The following SLC30A8 variants were observed in gnomAD, a reference collection of about 807,000 sequenced individuals.
The protein encoded by SLC30A8 is proton-coupled zinc antiporter SLC30A8.
In SLC30A8, 27 loss-of-function variants were observed where a neutral mutation model predicts 36.9. That is an observed-to-expected ratio of 0.73 (90% CI 0.54 to 1.01). The LOEUF is 1.01. SLC30A8 is among the 50% of genes least tolerant of loss of function. SLC30A8 has a pLI of 0.00. For synonymous variants in SLC30A8, 164 were observed against 172.4 expected, an observed-to-expected ratio of 0.95 and a Z score of 0.38; for missense variants, 439 against 452.0, an observed-to-expected ratio of 0.97 and a Z score of 0.26.
At chr8:116,955,763 G>C (rs76157733) in intron 1 of SLC30A8, among the ~76,000 whole-genome samples, 2 of 151,738 alleles carry the variant, frequency 1.3e-5, no homozygotes, top group African/African-American at 4.8e-5. Flanking sequence ...AAAAGACAGA[G>C]ATGCTGAGGT....
At chr8:117,118,838 A>G (rs1820563723) in intron 2 of SLC30A8, among the ~76,000 whole-genome samples, 3 of 151,952 alleles carry the variant, frequency 2.0e-5, no homozygotes, top group Admixed American at 2.0e-4. Context: ...TGAGTCATTC[A>G]TCTGCATTGC....
At chr8:117,046,514 G>A (rs958858249) in intron 2 of SLC30A8, among the ~76,000 whole-genome samples, 2 of 152,198 alleles carry the variant, frequency 1.3e-5, no homozygotes, top group African/African-American at 4.8e-5. Flanking sequence ...AAGAATAGGT[G>A]CCTGAATAAG....
intron 2 of SLC30A8, among the ~76,000 whole-genome samples, chr8:117,110,058 A>G (rs1432528216): frequency 6.6e-6 from 1 of 152,216 alleles, no homozygotes; most frequent in Non-Finnish European, 1.5e-5. Context: ...ACTTGTTTGT[A>G]TCTTCATTAC....
chr8:117,018,769 C>T (rs564557561), intron 1 of SLC30A8, among the ~76,000 whole-genome samples: 240 of 148,870 alleles, frequency 1.6e-3, no homozygotes, highest in African/African-American at 5.4e-3. Flanking sequence ...TGGGTTCAAG[C>T]GATTCTCCTG....
chr8:117,031,825 A>G (rs568718329), intron 1 of SLC30A8, among the ~76,000 whole-genome samples: 2 of 152,098 alleles, frequency 1.3e-5, no homozygotes, highest in African/African-American at 2.4e-5. Flanking sequence ...CTTGATGCCA[A>G]TGCTAAGCTT....
At chr8:117,025,917 A>G (rs1403646477) in intron 1 of SLC30A8, among the ~76,000 whole-genome samples, 2 of 152,228 alleles carry the variant, frequency 1.3e-5, no homozygotes, top group Non-Finnish European at 1.5e-5. Context: ...GCACCAGGCT[A>G]TCTGCAGCCT....
chr8:117,139,785 A>T (rs1404825505), intron 1 of SLC30A8, among the ~76,000 whole-genome samples: 1 of 151,708 alleles, frequency 6.6e-6, no homozygotes, highest in Non-Finnish European at 1.5e-5. Context: ...GAAAGACTGC[A>T]TCTACCCAAT....
At chr8:117,149,598 G>A (rs1049559679) in intron 2 of SLC30A8, among the ~76,000 whole-genome samples, 3 of 152,172 alleles carry the variant, frequency 2.0e-5, no homozygotes, top group East Asian at 3.9e-4. Context: ...GAATCAGTGC[G>A]TGAGGGTGGT....
chr8:117,037,614 T>C (rs1021198172), intron 1 of SLC30A8, among the ~76,000 whole-genome samples: 1 of 152,080 alleles, frequency 6.6e-6, no homozygotes, highest in African/African-American at 2.4e-5. Context: ...TCCCACAGAG[T>C]TGGTATAGAA....
intron 2 of SLC30A8, among the ~76,000 whole-genome samples, chr8:117,044,514 A>C (rs1473699257): frequency 2.0e-5 from 3 of 152,164 alleles, no homozygotes; most frequent in Non-Finnish European, 4.4e-5. Flanking sequence ...TTTGGAGGAG[A>C]AAGCCAAAGC....
intron 1 of SLC30A8, among the ~76,000 whole-genome samples, chr8:117,032,361 G>A (rs1362493060): frequency 1.3e-5 from 2 of 152,238 alleles, no homozygotes; most frequent in East Asian, 1.9e-4. Flanking sequence ...CACACAGCAG[G>A]CAGTTAATAA....
upstream of SLC30A8, among the ~76,000 whole-genome samples, chr8:117,131,629 T>C (rs534883190): frequency 1.3e-5 from 2 of 152,100 alleles, no homozygotes; most frequent in South Asian, 4.1e-4. Context: ...CCTTTTTCAA[T>C]AACCTTTATT....
At chr8:117,074,694 G>A (rs1415294146) in intron 2 of SLC30A8, among the ~76,000 whole-genome samples, 1 of 152,090 alleles carries the variant, frequency 6.6e-6, no homozygotes, top group Non-Finnish European at 1.5e-5. Context: ...AGTGATACTC[G>A]TCATCTTTTG....
At chr8:117,102,110 G>A (rs1819751433) in intron 2 of SLC30A8, among the ~76,000 whole-genome samples, 1 of 152,006 alleles carries the variant, frequency 6.6e-6, no homozygotes, top group African/African-American at 2.4e-5. Context: ...TCATATTGAT[G>A]TTTTTGAAAA....
At chr8:117,057,888 T>A (rs1454821045) in intron 2 of SLC30A8, among the ~76,000 whole-genome samples, 1 of 152,230 alleles carries the variant, frequency 6.6e-6, no homozygotes, top group Non-Finnish European at 1.5e-5. Context: ...TGATTTCATT[T>A]CCTTTGGATA....
chr8:116,966,639 G>C (rs1015155387), intron 1 of SLC30A8, among the ~76,000 whole-genome samples: 2 of 152,152 alleles, frequency 1.3e-5, no homozygotes, highest in Non-Finnish European at 2.9e-5. Flanking sequence ...TGAATTATAA[G>C]GGGATAAGAT....
chr8:117,056,428 C>G lies in SLC30A8; in HGVS notation c.-226+17170C>G, dbSNP rs138457612. ...TGGGGACCTTTACCACTCCTCGTCC[C>G]TATTGTAAGGCATGGGTCTGTGTTT... On this transcript the variant is annotated intron_variant, in intron 2 of 10. Coordinates refer to the SLC30A8 transcript ENST00000427715. Among the ~76,000 whole-genome samples, 833 of 152,290 alleles carry G rather than the reference C, an allele frequency of 5.5e-3. 14 individuals carry two copies. The highest frequency in any genetic ancestry group is 0.019 in the African/African-American group (801 of 41,564).
intron 2 of SLC30A8, among the ~76,000 whole-genome samples, chr8:117,095,954 T>G (rs1036875796): frequency 1.7e-4 from 26 of 152,230 alleles, no homozygotes; most frequent in African/African-American, 6.3e-4. Context: ...TCAGGGAAAT[T>G]TTTCCTGAGA....
At chr8:117,042,248 A>G (rs1817408650) in intron 2 of SLC30A8, among the ~76,000 whole-genome samples, 1 of 152,250 alleles carries the variant, frequency 6.6e-6, no homozygotes, top group South Asian at 2.1e-4. Flanking sequence ...CCTAATGCCA[A>G]TAAATGTGTT....
Sources: gnomAD v4.1 joint callset for allele counts (sites outside exome capture counted in the v4.1 genomes callset) on GRCh38, gnomAD v4.1.1 for gene constraint, MANE v1.5 for transcripts, NCBI Gene and HGNC (gene_info 2026-07-23, HGNC 2026-07-21) for gene names.